The following HSBP1L1 variants were observed in gnomAD, a reference collection of about 807,000 sequenced individuals.
The protein encoded by HSBP1L1 is heat shock factor binding protein 1 like 1.
A neutral mutation model predicts 9.7 loss-of-function variants in HSBP1L1; 8 were observed. The ratio of observed to expected loss-of-function variants is 0.82; its 90% CI spans 0.48 to 1.48. The LOEUF (loss-of-function observed/expected upper bound fraction) is 1.48. HSBP1L1 is among the 40% of genes most tolerant of loss of function. The pLI is 0.00. For synonymous variants in HSBP1L1, 39 were observed against 34.4 expected (o/e 1.13, Z -0.46); for missense variants, 106 against 95.8 (o/e 1.11, Z -0.44).
chr18:79,964,676 T>A lies in HSBP1L1; in HGVS notation c.-60T>A. ...ATCGCGGAGCTTAGCTGTCGCCACC[T>A]CGCGCCGGGTCCGCGCGGCCCACGG... On this transcript the variant is annotated 5_prime_UTR_variant, in exon 1 of 4. Coordinates refer to ENST00000451882, the MANE Select transcript of HSBP1L1 (RefSeq NM_001136180.2). 1 of 1,014,238 alleles carries A rather than the reference T, an allele frequency of 9.9e-7. No individual in the cohort carries two copies. Among genetic ancestry groups the A allele is most frequent in the Non-Finnish European group, 1.4e-6 (1 of 728,838 alleles). 62.8% of individuals were successfully genotyped at this position (1,014,238 alleles called of 1,614,324 possible).
At chr18:79,969,375 G>GA (rs1300355171) in intron 3 of HSBP1L1, among the ~76,000 whole-genome samples, 1 of 52,058 alleles carries the variant, frequency 1.9e-5, no homozygotes, top group South Asian at 1.1e-3. Context: ...AAGAAAGAAA[G>GA]AAAGAAAGAA....
At chr18:79,970,201 A>G (rs979627443) in intron 3 of HSBP1L1, 2 of 461,930 alleles carry the variant, frequency 4.3e-6, no homozygotes, top group African/African-American at 3.9e-5. Context: ...TCTGCCAAAT[A>G]TCTACCTGGT....
chr18:79,965,153 C>A (rs2051250752), intron 1 of HSBP1L1, among the ~76,000 whole-genome samples: 1 of 152,044 alleles, frequency 6.6e-6, no homozygotes, highest in African/African-American at 2.4e-5. Flanking sequence ...AGTGGGGAAA[C>A]AACTGGGCCA....
chr18:79,968,656 A>G (rs190709262), intron 3 of HSBP1L1, among the ~76,000 whole-genome samples: 1 of 151,748 alleles, frequency 6.6e-6, no homozygotes, highest in Non-Finnish European at 1.5e-5. Context: ...TTTAGTAGAG[A>G]CGGAGTTTCA....
chr18:79,966,485 G>A, intron 1 of HSBP1L1, 127 bp from the exon 2 acceptor site: 1 of 634,580 alleles, frequency 1.6e-6, no homozygotes, highest in South Asian at 1.9e-5. Flanking sequence ...GGAGGTTGTA[G>A]TGAGCTGAGA....
At position 79,970,623 on chromosome 18, in the gene HSBP1L1, C is replaced by G. The variant is rs2051291744; in HGVS notation, c.*172C>G. On this transcript the variant is annotated 3_prime_UTR_variant, in exon 4 of 4. Coordinates refer to ENST00000451882, the MANE Select transcript of HSBP1L1 (RefSeq NM_001136180.2). ...CCAGAGAAGGAGGCCATCGGCAAGC[C>G]AAGGAGAGCCCTCCCCAGAAATCAC... 1 of 606,870 alleles carries G rather than the reference C, an allele frequency of 1.6e-6. No individual in the cohort carries two copies. The highest frequency in any genetic ancestry group is 1.8e-5 in the African/African-American group (1 of 54,172). The allele number at this position is 606,870 out of a possible 1,614,324, so 37.6% of individuals were successfully genotyped here.
Position 79,968,068 on chromosome 18 carries a change from C to G in HSBP1L1, c.119-21C>G. The G allele has an allele frequency of 2.7e-6, 4 of 1,485,804 alleles. No homozygotes were observed. In the South Asian group the frequency reaches 4.9e-5, roughly 18 times the overall value. The allele number at this position is 1,485,804 out of a possible 1,614,324, so 92.0% of individuals were successfully genotyped here. A position where few individuals can be genotyped will look rare whatever the true frequency, so the allele number is the denominator to read the frequency against. ...GGCGGCTCTGGACTCCAGCTCTACG[C>G]AGAGCGCCTTAACACTGTACTGGAA... On this transcript the variant is annotated intron_variant, in intron 2 of 3. Transcript: ENST00000451882.
At position 79,969,285 on chromosome 18, in the gene HSBP1L1, AGGGAGG is replaced by A. The variant is rs1568356451; in HGVS notation, c.213+1104_213+1109del. On this transcript the variant is annotated intron_variant, in intron 3 of 3. Transcript: ENST00000451882. ...GAGGGAGGGAGGGAGGGAGGGAGGG[AGGGAGG>A]GAGGGAGAGAGAGAGAGAAAGGAAA... 1.6e-3 allele frequency among the ~76,000 whole-genome samples: 38 copies of A among 23,190 alleles called. 2 individuals are homozygous for A. The highest frequency in any genetic ancestry group is 2.5e-3 in the Non-Finnish European group (24 of 9,738). The allele number at this position is 23,190 out of a possible 152,430, so 15.2% of individuals were successfully genotyped here.
At chr18:79,967,247 C>T (rs1276420856) in intron 2 of HSBP1L1, among the ~76,000 whole-genome samples, 1 of 152,122 alleles carries the variant, frequency 6.6e-6, no homozygotes, top group East Asian at 1.9e-4. Flanking sequence ...TATAACACTT[C>T]CCAGTGGGGC....
In HSBP1L1 at chr18:79,970,613, A is replaced by G. The variant is rs137970258; in HGVS notation, c.*162A>G. On this transcript the variant is annotated 3_prime_UTR_variant, in exon 4 of 4. Coordinates refer to ENST00000451882, the MANE Select transcript of HSBP1L1 (RefSeq NM_001136180.2). ...CGTGCCTGCACCAGAGAAGGAGGCC[A>G]TCGGCAAGCCAAGGAGAGCCCTCCC... The G allele has an allele frequency of 4.8e-6, 3 of 619,312 alleles. No individual in the cohort carries two copies. The highest frequency in any genetic ancestry group is 9.0e-6 in the Non-Finnish European group (3 of 334,270). 38.4% of individuals were successfully genotyped at this position (619,312 alleles called of 1,614,324 possible).
chr18:79,968,594 A>G (rs34937055), intron 3 of HSBP1L1, among the ~76,000 whole-genome samples: 119,801 of 151,790 alleles, frequency 0.79, 47,984 homozygotes, highest in East Asian at 0.91. Context: ...CCAGTGCTGC[A>G]ATTACAGGCG....
At chr18:79,968,481 C>T (rs1233181561) in intron 3 of HSBP1L1, among the ~76,000 whole-genome samples, 1 of 152,122 alleles carries the variant, frequency 6.6e-6, no homozygotes, top group African/African-American at 2.4e-5. Flanking sequence ...CATGCACCAC[C>T]ACACCCAGCT....
intron 2 of HSBP1L1, 45 bp downstream of exon 2, chr18:79,966,723 G>A (rs2051259133): frequency 7.5e-7 from 1 of 1,325,542 alleles, no homozygotes; most frequent in African/African-American, 1.5e-5. Flanking sequence ...CTTTCGGACT[G>A]GTAGATTATC....
intron 3 of HSBP1L1, 69 bp downstream of exon 3, chr18:79,968,252 A>G (rs1018516506): frequency 4.4e-6 from 4 of 914,854 alleles, no homozygotes; most frequent in Non-Finnish European, 6.8e-6. Flanking sequence ...GAAACATACA[A>G]TCCCATATTT....
intron 3 of HSBP1L1, among the ~76,000 whole-genome samples, chr18:79,969,306 G>GAA (rs2051276656): frequency 4.7e-5 from 3 of 64,362 alleles, no homozygotes; most frequent in South Asian, 7.8e-4. Context: ...GAGAGAGAGA[G>GAA]AGAAAGGAAA....
chr18:79,970,666 T>C lies in HSBP1L1; in HGVS notation c.*215T>C, dbSNP rs1341289960. 8 of 534,598 alleles carry C rather than the reference T, an allele frequency of 1.5e-5. No individual in the cohort carries two copies. Among genetic ancestry groups the C allele is most frequent in the Non-Finnish European group, 2.7e-5 (8 of 295,240 alleles). 33.1% of individuals were successfully genotyped at this position (534,598 alleles called of 1,614,324 possible). ...GAAATCACACGGACCAGCACCTTGA[T>C]CTGGGACTTCCAGAAAACAGAACTG... On this transcript the variant is annotated 3_prime_UTR_variant, in exon 4 of 4. Transcript: ENST00000451882.
intron 3 of HSBP1L1, chr18:79,970,143 C>T (rs2051287424): frequency 3.0e-6 from 1 of 334,562 alleles, no homozygotes; most frequent in East Asian, 5.4e-5. Context: ...AATTCTTATC[C>T]TCTGTTGCTG....
At chr18:79,969,367 GAAAGAAAGAAAGAAAGAAAGAAAGAAA>G (rs766121425) in intron 3 of HSBP1L1, among the ~76,000 whole-genome samples, 3 of 49,148 alleles carry the variant, frequency 6.1e-5, no homozygotes, top group African/African-American at 1.5e-4. Flanking sequence ...AAGAAAGAAA[GAAAGAAAGAAAGAAAGAAAGAAAGAAA>G]AAAAAACGAT....
chr18:79,967,952 A>G (rs1052342595), intron 2 of HSBP1L1, 137 bp from the exon 3 acceptor site: 4 of 559,006 alleles, frequency 7.2e-6, no homozygotes, highest in African/African-American at 5.7e-5. Flanking sequence ...GCTGATTTGC[A>G]TGGACACTAG....
Sources: allele counts gnomAD v4.1 joint callset (sites outside exome capture counted in the v4.1 genomes callset), GRCh38; gene constraint gnomAD v4.1.1; transcripts MANE v1.5; gene names NCBI Gene and HGNC (gene_info 2026-07-23, HGNC 2026-07-21).